The following NBEA variants were observed in gnomAD, a reference collection of about 807,000 sequenced individuals.
NBEA encodes the protein neurobeachin.
A neutral mutation model predicts 343.4 loss-of-function variants in NBEA; 44 were observed. That is an observed-to-expected ratio of 0.13 (90% CI 0.10 to 0.16). The LOEUF (loss-of-function observed/expected upper bound fraction) is 0.16, where lower values mean the gene tolerates loss of function less well. NBEA is among the 10% of genes least tolerant of loss of function. NBEA has a pLI of 1.00. For missense variants in NBEA, 2,555 were observed against 3,631.3 expected (o/e 0.70, Z 7.62); for synonymous variants, 1,175 against 1,238.7 (o/e 0.95, Z 1.08).
At chr13:35,319,967 T>G (rs1042626947) in intron 36 of NBEA, among the ~76,000 whole-genome samples, 1 of 152,172 alleles carries the variant, frequency 6.6e-6, no homozygotes, top group Non-Finnish European at 1.5e-5. Flanking sequence ...CCCATCCCTT[T>G]ATTTTGAGTC....
intron 34 of NBEA, among the ~76,000 whole-genome samples, chr13:35,241,547 A>C (rs909799826): frequency 2.6e-5 from 4 of 151,868 alleles, no homozygotes; most frequent in African/African-American, 7.2e-5. Flanking sequence ...AGGGTAAAAA[A>C]ATCACCATAT....
At chr13:35,522,564 G>A (rs1367564377) in intron 41 of NBEA, among the ~76,000 whole-genome samples, 2 of 151,532 alleles carry the variant, frequency 1.3e-5, no homozygotes, top group East Asian at 3.9e-4. Flanking sequence ...AGGGTTGCCG[G>A]AGGTTAGAAA....
chr13:35,211,185 C>T lies in NBEA; in HGVS notation c.5648+6C>T, dbSNP rs1374086620. On this transcript the variant is annotated splice_donor_region_variant and intron_variant, in intron 33 of 58. Transcript: ENST00000379939. ...GATTCAGCTGAAAATATGAGGTATG[C>T]ATGACTACTTTTTATTCATTTTAAC... 1.3e-6 allele frequency: 2 copies of T among 1,546,684 alleles called. No individual in the cohort carries two copies. The highest frequency in any genetic ancestry group is 1.2e-5 in the South Asian group (1 of 82,886).
chr13:35,215,041 T>C (rs1365880078), intron 33 of NBEA, among the ~76,000 whole-genome samples: 1 of 151,716 alleles, frequency 6.6e-6, no homozygotes, highest in Non-Finnish European at 1.5e-5. Flanking sequence ...ACTATCTTCC[T>C]GTATCGTAGC....
chr13:35,117,097 TAAAAAC>T (rs1044190761), intron 13 of NBEA, among the ~76,000 whole-genome samples: 3 of 151,574 alleles, frequency 2.0e-5, no homozygotes, highest in Non-Finnish European at 3.0e-5. Flanking sequence ...ATTAATGTAA[TAAAAAC>T]AGAAAAAAAA....
At chr13:35,043,354 T>G (rs1249519795) in intron 2 of NBEA, among the ~76,000 whole-genome samples, 1 of 151,898 alleles carries the variant, frequency 6.6e-6, no homozygotes, top group Non-Finnish European at 1.5e-5. Flanking sequence ...TGAAAAAATT[T>G]AAACGTTGCA....
chr13:35,157,058 T>C lies in NBEA; in HGVS notation c.2652-20T>C. On this transcript the variant is annotated intron_variant, in intron 20 of 58. Coordinates refer to ENST00000379939, the MANE Select transcript of NBEA (RefSeq NM_001385012.1). ...CTTAATTTGGATATTTTTAATGAGA[T>C]CAAATTTTTTTCTCCCTAGATGCTT... The C allele has an allele frequency of 6.6e-7, 1 of 1,506,380 alleles. No individual in the cohort carries two copies. Among genetic ancestry groups the C allele is most frequent in the Non-Finnish European group, 8.9e-7 (1 of 1,127,010 alleles). 93.3% of individuals were successfully genotyped at this position (1,506,380 alleles called of 1,614,324 possible). A position where few individuals can be genotyped will look rare whatever the true frequency, so the allele number is the denominator to read the frequency against.
intron 39 of NBEA, among the ~76,000 whole-genome samples, chr13:35,442,006 A>T (rs2045765636): frequency 6.6e-6 from 1 of 152,056 alleles, no homozygotes; most frequent in Non-Finnish European, 1.5e-5. Flanking sequence ...GTATTGGTAC[A>T]TGATGCAGGT....
intron 41 of NBEA, among the ~76,000 whole-genome samples, chr13:35,498,562 C>T (rs2152978287): frequency 6.6e-6 from 1 of 152,172 alleles, no homozygotes; most frequent in Non-Finnish European, 1.5e-5. Context: ...ATCAGGATAA[C>T]TTAAAGAAAA....
chr13:35,282,815 T>C (rs978620570), intron 34 of NBEA, among the ~76,000 whole-genome samples: 2 of 152,188 alleles, frequency 1.3e-5, no homozygotes, highest in African/African-American at 4.8e-5. Context: ...TACATAAATC[T>C]GTATTTGTAT....
chr13:35,530,225 A>AT (rs2078190283), intron 41 of NBEA, among the ~76,000 whole-genome samples: 1 of 152,038 alleles, frequency 6.6e-6, no homozygotes, highest in Admixed American at 6.6e-5. Flanking sequence ...TCCAATCCTA[A>AT]TTTTTTTTCC....
At chr13:35,615,633 C>T (rs1247163331) in intron 48 of NBEA, among the ~76,000 whole-genome samples, 4 of 152,176 alleles carry the variant, frequency 2.6e-5, no homozygotes, top group Non-Finnish European at 5.9e-5. Flanking sequence ...GCCTGAGCCA[C>T]CATGCTCGGC....
chr13:35,039,316 G>A (rs2152556705), intron 1 of NBEA, among the ~76,000 whole-genome samples: 1 of 152,220 alleles, frequency 6.6e-6, no homozygotes, highest in East Asian at 1.9e-4. Flanking sequence ...TTAAAACCAG[G>A]TTCTGTGGGT....
Position 35,308,546 on chromosome 13 carries a change from A to G in NBEA, c.5839-982A>G, listed in dbSNP as rs12164859. Among the ~76,000 whole-genome samples the G allele has an allele frequency of 2.6e-5, 3 of 117,050 alleles. No homozygotes were observed. The South Asian group carries it at 7.5e-4, about 29-fold the overall frequency. 76.8% of individuals were successfully genotyped at this position (117,050 alleles called of 152,430 possible). ...TGTATATATATGTATATATGTATAT[A>G]TATGTATATATGTATATATGTATAT... On this transcript the variant is annotated intron_variant, in intron 35 of 58. Coordinates refer to ENST00000379939, the MANE Select transcript of NBEA (RefSeq NM_001385012.1).
At chr13:35,425,029 C>T (rs1566113288) in intron 38 of NBEA, among the ~76,000 whole-genome samples, 1 of 151,854 alleles carries the variant, frequency 6.6e-6, no homozygotes, top group South Asian at 2.1e-4. Context: ...CTATTTGATT[C>T]TTCTCTATTT....
At chr13:35,023,438 T>C (rs1307520470) in intron 1 of NBEA, among the ~76,000 whole-genome samples, 1 of 152,142 alleles carries the variant, frequency 6.6e-6, no homozygotes, top group Middle Eastern at 3.2e-3. Context: ...TATCTTTGTG[T>C]CCTGTATAAG....
At position 34,983,911 on chromosome 13, in the gene NBEA, G is replaced by A. The variant is rs1050454220; in HGVS notation, c.294+40797G>A. 2.7e-4 allele frequency among the ~76,000 whole-genome samples: 41 copies of A among 152,158 alleles called. 1 individual carries two copies. Among genetic ancestry groups the A allele is most frequent in the African/African-American group, 9.4e-4 (39 of 41,428 alleles). On this transcript the variant is annotated intron_variant, in intron 1 of 58. Coordinates refer to ENST00000379939, the MANE Select transcript of NBEA (RefSeq NM_001385012.1). ...TTGTTTAAGTTCTTTGTAGATTGTGGATATAAGGCCTTTGTCAGATGGGTA... is the reference window on the plus strand; with the variant it reads ...TTGTTTAAGTTCTTTGTAGATTGTGAATATAAGGCCTTTGTCAGATGGGTA...
chr13:35,204,800 A>C (rs1393332978), intron 31 of NBEA, among the ~76,000 whole-genome samples: 1 of 152,138 alleles, frequency 6.6e-6, no homozygotes, highest in Non-Finnish European at 1.5e-5. Context: ...CACTCTAAAA[A>C]AATGTTTTTA....
At position 35,591,485 on chromosome 13, in the gene NBEA, A is replaced by G. The variant is rs372276139; in HGVS notation, c.7177-1843A>G. Among the ~76,000 whole-genome samples, 57 of 152,230 alleles carry G rather than the reference A, an allele frequency of 3.7e-4. 2 individuals are homozygous for G. The highest frequency in any genetic ancestry group is 1.3e-3 in the African/African-American group (56 of 41,572). On this transcript the variant is annotated intron_variant, in intron 46 of 58. Coordinates refer to ENST00000379939, the MANE Select transcript of NBEA (RefSeq NM_001385012.1). ...TCTCATATCACTTAAAATCCTAAAC[A>G]GCAATATGGACTTCTTGGATGCATA...
Sources: gnomAD v4.1 joint callset for allele counts (sites outside exome capture counted in the v4.1 genomes callset) on GRCh38, gnomAD v4.1.1 for gene constraint, MANE v1.5 for transcripts, NCBI Gene and HGNC (gene_info 2026-07-23, HGNC 2026-07-21) for gene names.